CNNM2: variants seen among roughly 807,000 people sequenced by gnomAD.
The protein encoded by CNNM2 is cyclin and CBS domain divalent metal cation transport mediator 2, also known as metal transporter CNNM2.
CNNM2 carries 12 observed loss-of-function variants against 66.9 expected under a neutral mutation model. That is an observed-to-expected ratio of 0.18 (90% CI 0.11 to 0.29). The LOEUF (loss-of-function observed/expected upper bound fraction) is 0.29, where lower values mean the gene tolerates loss of function less well. CNNM2 is among the 10% of genes least tolerant of loss of function. CNNM2 has a pLI of 1.00. For synonymous variants in CNNM2, 557 were observed against 501.8 expected, an observed-to-expected ratio of 1.11 and a Z score of -1.47; for missense variants, 705 against 1,167.7, an observed-to-expected ratio of 0.60 and a Z score of 5.77.
At chr10:102,964,956 G>A (rs966239430) in intron 1 of CNNM2, among the ~76,000 whole-genome samples, 3 of 152,080 alleles carry the variant, frequency 2.0e-5, no homozygotes, top group Non-Finnish European at 4.4e-5. Flanking sequence ...CTCAGCACTT[G>A]GCCCTCCTAC....
intron 1 of CNNM2, among the ~76,000 whole-genome samples, chr10:102,934,626 T>C (rs1314768949): frequency 1.3e-5 from 2 of 151,988 alleles, no homozygotes; most frequent in Non-Finnish European, 2.9e-5. Context: ...TAGAGTGGCT[T>C]TTTATCAGTC....
At position 103,051,440 on chromosome 10, in the gene CNNM2, T is replaced by C. The variant is rs1044636076; in HGVS notation, c.1765+1590T>C. Reference sequence around the variant, plus strand: ...GCCAGACTCTCTCTCCAAAAAATGATAATAATAACTGAGAAAGTCACTGGG... The same window carrying C: ...GCCAGACTCTCTCTCCAAAAAATGACAATAATAACTGAGAAAGTCACTGGG... On this transcript the variant is annotated intron_variant, in intron 2 of 7. Transcript: ENST00000369878. Among the ~76,000 whole-genome samples the C allele has an allele frequency of 2.0e-5, 3 of 149,242 alleles. 1 individual carries two copies. The South Asian group carries it at 6.4e-4, about 32-fold the overall frequency.
At chr10:102,966,223 T>G (rs2134209641) in intron 1 of CNNM2, among the ~76,000 whole-genome samples, 1 of 152,366 alleles carries the variant, frequency 6.6e-6, no homozygotes, top group Non-Finnish European at 1.5e-5. Context: ...AGAACTGTTT[T>G]CTGAAATTGG....
At chr10:103,071,912 G>C (rs1235787266) in intron 6 of CNNM2, 73 bp downstream of exon 6, 2 of 1,348,290 alleles carry the variant, frequency 1.5e-6, no homozygotes, top group African/African-American at 2.9e-5. Context: ...TGGCTGGCTG[G>C]GTCTGCTCCC....
At chr10:102,945,132 TA>T (rs1194618116) in intron 1 of CNNM2, among the ~76,000 whole-genome samples, 1 of 152,182 alleles carries the variant, frequency 6.6e-6, no homozygotes, top group East Asian at 1.9e-4. Flanking sequence ...CTCCTCCCTT[TA>T]AAAAGTATGA....
intron 1 of CNNM2, among the ~76,000 whole-genome samples, chr10:102,947,905 T>C (rs997204425): frequency 6.6e-5 from 10 of 151,898 alleles, no homozygotes; most frequent in African/African-American, 2.4e-4. Flanking sequence ...AAAAAAAAAT[T>C]AGCCGGGCGT....
At chr10:102,984,467 G>A (rs1366299787) in intron 1 of CNNM2, among the ~76,000 whole-genome samples, 1 of 152,128 alleles carries the variant, frequency 6.6e-6, no homozygotes, top group Non-Finnish European at 1.5e-5. Flanking sequence ...CCATTAAGTA[G>A]GGGAATTTTA....
intron 1 of CNNM2, among the ~76,000 whole-genome samples, chr10:102,958,605 G>T (rs547562564): frequency 6.6e-6 from 1 of 151,058 alleles, no homozygotes; most frequent in Non-Finnish European, 1.5e-5. Context: ...TGAGTAGCTG[G>T]GATTACAGGT....
intron 1 of CNNM2, among the ~76,000 whole-genome samples, chr10:103,028,909 G>T (rs537053906): frequency 2.6e-4 from 35 of 135,398 alleles, no homozygotes; most frequent in Non-Finnish European, 4.6e-4. Flanking sequence ...TGCAACCTCC[G>T]CACACCAGGT....
chr10:103,002,634 C>T (rs2064143429), intron 1 of CNNM2, among the ~76,000 whole-genome samples: 1 of 152,068 alleles, frequency 6.6e-6, no homozygotes, highest in Non-Finnish European at 1.5e-5. Flanking sequence ...CATGCGCCAC[C>T]ACACCCGGCT....
intron 1 of CNNM2, chr10:102,921,037 T>C: frequency 3.1e-6 from 3 of 959,314 alleles, no homozygotes; most frequent in Non-Finnish European, 3.7e-6. Flanking sequence ...TTGAAGTATG[T>C]CTCCGTCAAC....
chr10:103,012,886 T>A (rs1414964177), intron 1 of CNNM2, among the ~76,000 whole-genome samples: 4 of 152,144 alleles, frequency 2.6e-5, no homozygotes, highest in Non-Finnish European at 5.9e-5. Flanking sequence ...GGAGAGAAAG[T>A]TTACCATAGC....
At chr10:102,934,301 G>T (rs1407117475) in intron 1 of CNNM2, among the ~76,000 whole-genome samples, 2 of 141,716 alleles carry the variant, frequency 1.4e-5, no homozygotes, top group Admixed American at 7.2e-5. Context: ...TTGAGACAGA[G>T]CCTTGCTCTG....
chr10:102,947,591 A>C (rs1846663948), intron 1 of CNNM2, among the ~76,000 whole-genome samples: 1 of 151,998 alleles, frequency 6.6e-6, no homozygotes, highest in Non-Finnish European at 1.5e-5. Flanking sequence ...TCTCTACTAA[A>C]AATACAAAAA....
At position 103,077,072 on chromosome 10, in the gene CNNM2, G is replaced by A. The variant is rs777899899; in HGVS notation, c.2520G>A (p.Thr840=). 1.2e-6 allele frequency: 2 copies of A among 1,613,954 alleles called. No homozygotes were observed. The highest frequency in any genetic ancestry group is 1.7e-6 in the Non-Finnish European group (2 of 1,179,892). The change falls in exon 8 of 8, where the codon ACG becomes ACA. Residue 840 remains threonine (T), a synonymous_variant. Transcript: ENST00000369878. ...SENTKIELTL[T]ELHDGLPDET... Reference sequence around the variant, plus strand: ...ACACTAAAATCGAATTGACTCTTACGGAGCTGCATGACGGGTTGCCAGACG... The same window carrying A: ...ACACTAAAATCGAATTGACTCTTACAGAGCTGCATGACGGGTTGCCAGACG...
Position 102,918,812 on chromosome 10 carries a change from A to G in CNNM2, c.332A>G (p.Asn111Ser), listed in dbSNP as rs1845521154. The stretch of plus-strand genomic sequence containing the variant: ...CTGCGGGTGTACGGGCAGAACATCA[A>G]TAACGAGACGTGGTCCCGCATCGCC... ...VKLRVYGQNINNETWSRIAFT... is the reference protein window; with the variant it reads ...VKLRVYGQNISNETWSRIAFT... The change falls in exon 1 of 8, where the codon AAT becomes AGT. Residue 111 changes from asparagine to serine, a missense_variant. By Grantham distance (46) the Asn-to-Ser change is conservative. Transcript: ENST00000369878. This position sits in a 1 kb window ranked among gnomAD's most constrained non-coding sequence, Gnocchi z 4.1. 4 of 1,598,458 alleles carry G rather than the reference A, an allele frequency of 2.5e-6. No individual in the cohort carries two copies. The highest frequency in any genetic ancestry group is 1.3e-5 in the African/African-American group (1 of 74,312).
At chr10:103,031,053 C>T (rs1451361295) in intron 1 of CNNM2, among the ~76,000 whole-genome samples, 1 of 152,108 alleles carries the variant, frequency 6.6e-6, no homozygotes, top group Non-Finnish European at 1.5e-5. Flanking sequence ...GGTTTTCAGT[C>T]TGTGCTTTAT....
At chr10:102,941,404 A>G (rs2134179039) in intron 1 of CNNM2, among the ~76,000 whole-genome samples, 2 of 152,212 alleles carry the variant, frequency 1.3e-5, no homozygotes, top group Middle Eastern at 6.8e-3. Flanking sequence ...CACTGTGCCC[A>G]GTTGATATTG....
rs17115372 is a variant in CNNM2 at position 103,035,979 on chromosome 10, C to T, written c.1622-13728C>T. ...ACACACATTAGTTTGTCTTCTTATA[C>T]GCATCAGTCATTAGCTGTCTTGGCT... On this transcript the variant is annotated intron_variant, in intron 1 of 7. Coordinates refer to ENST00000369878, the MANE Select transcript of CNNM2 (RefSeq NM_017649.5). Among the ~76,000 whole-genome samples the T allele has an allele frequency of 0.015, 2,251 of 152,288 alleles. 57 individuals are homozygous for T. Among genetic ancestry groups the T allele is most frequent in the African/African-American group, 0.05 (2,094 of 41,556 alleles).
Sources: gnomAD v4.1 joint callset for allele counts (sites outside exome capture counted in the v4.1 genomes callset) on GRCh38, gnomAD v4.1.1 for gene constraint, Gnocchi (gnomAD v3.1) non-coding constraint, MANE v1.5 for transcripts, NCBI Gene and HGNC (gene_info 2026-07-23, HGNC 2026-07-21) for gene names.